ELMO1: variants seen among roughly 807,000 people sequenced by gnomAD.
ELMO1 encodes engulfment and cell motility 1, also known as engulfment and cell motility protein 1.
Under a neutral mutation model 98.9 loss-of-function variants are expected in ELMO1, and 26 were observed. The ratio of observed to expected loss-of-function variants is 0.26; its 90% CI spans 0.19 to 0.36. The LOEUF is 0.36. Among genes scored for constraint, ELMO1 ranks in the 10% least tolerant of loss-of-function variants. The pLI is 1.00. For synonymous variants in ELMO1, 346 were observed against 346.0 expected (o/e 1.00, Z 0.00); for missense variants, 627 against 935.2 (o/e 0.67, Z 4.30).
intron 13 of ELMO1, among the ~76,000 whole-genome samples, chr7:37,137,607 G>C (rs190004267): frequency 6.6e-6 from 1 of 151,578 alleles, no homozygotes; most frequent in Non-Finnish European, 1.5e-5. Flanking sequence ...GTGCAATCTC[G>C]CTCACTGCAA....
Position 37,221,208 on chromosome 7 carries a change from C to T in ELMO1, c.780+1407G>A, listed in dbSNP as rs1317454849. On this transcript the variant is annotated intron_variant, in intron 10 of 21. Coordinates refer to ENST00000310758, the MANE Select transcript of ELMO1 (RefSeq NM_014800.11). The stretch of plus-strand genomic sequence containing the variant: ...TCCAGGAAACTATAAAGTGACACCA[C>T]TACTTGTGCAAACACAGCCCCCCAG... Among the ~76,000 whole-genome samples the T allele has an allele frequency of 2.6e-5, 4 of 152,344 alleles. 1 individual carries two copies. The South Asian group carries it at 6.2e-4, about 24-fold the overall frequency.
intron 1 of ELMO1, among the ~76,000 whole-genome samples, chr7:37,444,673 C>T (rs948405845): frequency 7.1e-6 from 1 of 140,402 alleles, no homozygotes; most frequent in East Asian, 2.0e-4. Context: ...CTACCACGCC[C>T]GGCTAATTTT....
At chr7:37,273,695 C>T (rs1796685960) in intron 4 of ELMO1, among the ~76,000 whole-genome samples, 1 of 152,108 alleles carries the variant, frequency 6.6e-6, no homozygotes, top group African/African-American at 2.4e-5. Context: ...TGGTCGCATG[C>T]CCTACCTGGT....
At chr7:37,262,741 G>A (rs896519091) in intron 5 of ELMO1, among the ~76,000 whole-genome samples, 1 of 152,210 alleles carries the variant, frequency 6.6e-6, no homozygotes. Flanking sequence ...GTGGCGAGGG[G>A]ACCATGATGG....
At chr7:37,317,743 A>T (rs913993756) in intron 2 of ELMO1, among the ~76,000 whole-genome samples, 1 of 152,210 alleles carries the variant, frequency 6.6e-6, no homozygotes, top group African/African-American at 2.4e-5. Context: ...ATAAAGAATG[A>T]TAAGACCTAG....
rs562796861 is a variant in ELMO1 at position 37,017,810 on chromosome 7, A to G, written c.1301-4375T>C. 2.0e-4 allele frequency among the ~76,000 whole-genome samples: 27 copies of G among 134,296 alleles called. No individual in the cohort carries two copies. In the Middle Eastern group the frequency reaches 0.012, roughly 62 times the overall value. 88.1% of individuals were successfully genotyped at this position (134,296 alleles called of 152,430 possible). A position where few individuals can be genotyped will look rare whatever the true frequency, so the allele number is the denominator to read the frequency against. On this transcript the variant is annotated intron_variant, in intron 15 of 21. Transcript: ENST00000310758. ...TTAAGCCATGTGAAATTACTAATAT[A>G]TTAAAAAAAACCCAAGCAAGCACAT...
chr7:37,016,668 T>C (rs933876249), intron 15 of ELMO1, among the ~76,000 whole-genome samples: 1 of 152,200 alleles, frequency 6.6e-6, no homozygotes, highest in Non-Finnish European at 1.5e-5. Context: ...GGCCATGAGA[T>C]AGCAGTACCA....
intron 14 of ELMO1, among the ~76,000 whole-genome samples, chr7:37,114,877 A>G (rs1476130952): frequency 6.6e-6 from 1 of 152,174 alleles, no homozygotes; most frequent in African/African-American, 2.4e-5. Context: ...AGGCTCAACA[A>G]GATGAAAGGA....
intron 15 of ELMO1, among the ~76,000 whole-genome samples, chr7:37,076,067 T>G (rs1330518960): frequency 6.6e-6 from 1 of 152,180 alleles, no homozygotes; most frequent in Non-Finnish European, 1.5e-5. Flanking sequence ...AATGTAAAAC[T>G]GATTTAATGA....
chr7:36,899,682 A>ATTTTTTTTTTTTTTTTTT (rs1178774148), intron 16 of ELMO1, among the ~76,000 whole-genome samples: 8 of 5,380 alleles, frequency 1.5e-3, no homozygotes, highest in East Asian at 3.0e-3. Context: ...ATCTTTACTC[A>ATTTTTTTTTTTTTTTTTT]TCTTTTTTTT....
At chr7:37,210,588 T>C (rs1792904932) in intron 13 of ELMO1, among the ~76,000 whole-genome samples, 1 of 151,436 alleles carries the variant, frequency 6.6e-6, no homozygotes, top group Non-Finnish European at 1.5e-5. Flanking sequence ...CTTATATATA[T>C]ACACACACAG....
chr7:37,331,176 T>A lies in ELMO1; in HGVS notation c.78+11437A>T, dbSNP rs1345896995. ...TAAGGGAAAAACTACTGCATTTTTCTTTTTTTTTTTGGAGACACAGTCTCG... is the reference window on the plus strand; with the variant it reads ...TAAGGGAAAAACTACTGCATTTTTCATTTTTTTTTTGGAGACACAGTCTCG... On this transcript the variant is annotated intron_variant, in intron 2 of 21. Coordinates refer to ENST00000310758, the MANE Select transcript of ELMO1 (RefSeq NM_014800.11). Among the ~76,000 whole-genome samples, 3 of 41,242 alleles carry A rather than the reference T, an allele frequency of 7.3e-5. No homozygotes were observed. In the East Asian group the frequency reaches 1.8e-3, roughly 25 times the overall value. The allele number at this position is 41,242 out of a possible 152,430, so 27.1% of individuals were successfully genotyped here.
At chr7:36,918,025 C>T (rs1784844333) in intron 16 of ELMO1, among the ~76,000 whole-genome samples, 1 of 151,518 alleles carries the variant, frequency 6.6e-6, no homozygotes, top group Non-Finnish European at 1.5e-5. Flanking sequence ...AACAAACACA[C>T]ACAAAAATAA....
intron 4 of ELMO1, among the ~76,000 whole-genome samples, chr7:37,303,112 C>T (rs73110886): frequency 1.3e-3 from 197 of 152,202 alleles, no homozygotes; most frequent in Middle Eastern, 6.8e-3. Context: ...AGTAGATGTT[C>T]GTTATTCCAT....
At chr7:37,079,947 A>G (rs1278528764) in intron 15 of ELMO1, among the ~76,000 whole-genome samples, 1 of 152,328 alleles carries the variant, frequency 6.6e-6, no homozygotes, top group East Asian at 1.9e-4. Flanking sequence ...AACTCCAGAC[A>G]CATATATCCA....
intron 16 of ELMO1, among the ~76,000 whole-genome samples, chr7:37,001,312 A>G (rs943844291): frequency 2.6e-5 from 4 of 152,188 alleles, no homozygotes; most frequent in Non-Finnish European, 5.9e-5. Context: ...GACGGTGTAT[A>G]TGAATTCAGC....
At chr7:37,063,280 G>T (rs35113016) in intron 15 of ELMO1, among the ~76,000 whole-genome samples, 3 of 152,114 alleles carry the variant, frequency 2.0e-5, no homozygotes, top group Non-Finnish European at 4.4e-5. Flanking sequence ...GAGGGCTGTA[G>T]GTTGTATTTT....
intron 13 of ELMO1, among the ~76,000 whole-genome samples, chr7:37,200,874 C>T (rs1792252714): frequency 6.6e-6 from 1 of 151,208 alleles, no homozygotes; most frequent in Non-Finnish European, 1.5e-5. Flanking sequence ...TAGCTGGAGC[C>T]CAGGAGGCAG....
chr7:37,160,275 A>C (rs1404102373), intron 13 of ELMO1, among the ~76,000 whole-genome samples: 1 of 152,234 alleles, frequency 6.6e-6, no homozygotes, highest in African/African-American at 2.4e-5. Flanking sequence ...ATCAGTTTTC[A>C]TATTACATTT....
Sources: allele counts gnomAD v4.1 joint callset (sites outside exome capture counted in the v4.1 genomes callset), GRCh38; gene constraint gnomAD v4.1.1; transcripts MANE v1.5; gene names NCBI Gene and HGNC (gene_info 2026-07-23, HGNC 2026-07-21).